Variants in SNTB1 observed in about 807,000 individuals in gnomAD.
SNTB1 encodes beta-1-syntrophin.
A neutral mutation model predicts 48.9 loss-of-function variants in SNTB1; 36 were observed. That is an observed-to-expected ratio of 0.74 (90% CI 0.56 to 0.97). The LOEUF (loss-of-function observed/expected upper bound fraction) is 0.97. Ranked by LOEUF, SNTB1 falls within the 50% of genes least tolerant of loss-of-function variation. The probability of loss-of-function intolerance (pLI) is 0.00; values close to 1 mark genes in which losing one functional copy is unlikely to be tolerated. For synonymous variants in SNTB1, 299 were observed against 294.6 expected (o/e 1.01, Z -0.15); for missense variants, 786 against 703.4 (o/e 1.12, Z -1.33).
intron 2 of SNTB1, among the ~76,000 whole-genome samples, chr8:120,689,263 G>T (rs1326644032): frequency 6.6e-6 from 1 of 152,166 alleles, no homozygotes; most frequent in Non-Finnish European, 1.5e-5. Context: ...AGATGCTGTG[G>T]CATTTGTCAT....
At chr8:120,606,485 G>A (rs1432142320) in intron 3 of SNTB1, among the ~76,000 whole-genome samples, 1 of 151,194 alleles carries the variant, frequency 6.6e-6, no homozygotes, top group African/African-American at 2.4e-5. Context: ...CTTCTCACTT[G>A]CTTTTTAGTA....
intron 2 of SNTB1, among the ~76,000 whole-genome samples, chr8:120,670,511 T>A (rs1817741999): frequency 6.6e-6 from 1 of 152,100 alleles, no homozygotes; most frequent in Admixed American, 6.6e-5. Context: ...GAAGTAGATG[T>A]TAGGGGTTGG....
rs1816285897 is a variant in SNTB1, at chr8:120,594,053, C to CTTA, written c.997-18829_997-18828insTAA. The stretch of plus-strand genomic sequence containing the variant: ...CTCTTCTAAGGAGCTCAGTACATGT[C>CTTA]TTTATTTATTTATTTATTTATTTAT... On this transcript the variant is annotated intron_variant, in intron 3 of 6. Coordinates refer to ENST00000517992, the MANE Select transcript of SNTB1 (RefSeq NM_021021.4). Among the ~76,000 whole-genome samples the CTTA allele has an allele frequency of 1.3e-4, 19 of 150,828 alleles. 1 individual carries two copies. In the South Asian group the frequency reaches 4.0e-3, roughly 32 times the overall value.
At chr8:120,734,238 G>A (rs1818901137) in intron 1 of SNTB1, among the ~76,000 whole-genome samples, 2 of 152,122 alleles carry the variant, frequency 1.3e-5, no homozygotes, top group African/African-American at 4.8e-5. Context: ...GAGGTCAGGA[G>A]GTGGAGACCA....
intron 2 of SNTB1, among the ~76,000 whole-genome samples, chr8:120,683,103 A>G (rs375625051): frequency 2.5e-4 from 38 of 152,018 alleles, no homozygotes; most frequent in African/African-American, 6.0e-4. Flanking sequence ...GGATGGTCTC[A>G]ATCTCCTGAC....
intron 1 of SNTB1, among the ~76,000 whole-genome samples, chr8:120,748,118 C>T (rs979423196): frequency 1.7e-4 from 26 of 152,166 alleles, no homozygotes; most frequent in African/African-American, 5.5e-4. Flanking sequence ...AAACTTTTCA[C>T]TTCCCTTTCT....
chr8:120,724,992 T>C (rs1335554586), intron 1 of SNTB1, among the ~76,000 whole-genome samples: 1 of 152,158 alleles, frequency 6.6e-6, no homozygotes, highest in Non-Finnish European at 1.5e-5. Context: ...TTGAACCACA[T>C]CTTATTTTAG....
chr8:120,780,534 T>C (rs1048854748), intron 1 of SNTB1, among the ~76,000 whole-genome samples: 1 of 152,244 alleles, frequency 6.6e-6, no homozygotes, highest in South Asian at 2.1e-4. Flanking sequence ...GTTTTCTAAA[T>C]TATAAGTCAA....
At chr8:120,643,503 T>C (rs1363917713) in intron 2 of SNTB1, among the ~76,000 whole-genome samples, 1 of 152,214 alleles carries the variant, frequency 6.6e-6, no homozygotes, top group African/African-American at 2.4e-5. Flanking sequence ...TTCCCATTTA[T>C]AAGAACATGA....
intron 1 of SNTB1, among the ~76,000 whole-genome samples, chr8:120,762,555 A>G (rs933682647): frequency 1.3e-5 from 2 of 152,100 alleles, no homozygotes; most frequent in African/African-American, 4.8e-5. Context: ...TGATTTTGCA[A>G]TCCAGCTGCT....
At chr8:120,768,891 C>A (rs555806340) in intron 1 of SNTB1, 88 of 152,288 alleles carry the variant, frequency 5.8e-4, no homozygotes, top group African/African-American at 2.1e-3. Context: ...TAGGAAAGGG[C>A]AAGACTGAAA....
intron 4 of SNTB1, among the ~76,000 whole-genome samples, chr8:120,565,912 T>G (rs910675372): frequency 1.2e-4 from 19 of 152,196 alleles, no homozygotes; most frequent in Admixed American, 4.6e-4. Flanking sequence ...TAGTGCCTTA[T>G]AAAAGGACTT....
intron 1 of SNTB1, among the ~76,000 whole-genome samples, chr8:120,752,326 T>TA (rs1405257600): frequency 2.0e-5 from 3 of 152,152 alleles, no homozygotes; most frequent in East Asian, 1.9e-4. Context: ...ATGTAATATT[T>TA]AAAAAATCAC....
At position 120,666,609 on chromosome 8, in the gene SNTB1, C is replaced by T. The variant is rs890287169; in HGVS notation, c.788+27083G>A. Among the ~76,000 whole-genome samples, 6 of 152,064 alleles carry T rather than the reference C, an allele frequency of 3.9e-5. No individual in the cohort carries two copies. The East Asian group carries it at 7.7e-4, about 20-fold the overall frequency. ...TTTCTTGCACGTATGGTTTATTGAG[C>T]TTCTGTGGACCTGGGGGTTTACAGT... On this transcript the variant is annotated intron_variant, in intron 2 of 6. Coordinates refer to ENST00000517992, the MANE Select transcript of SNTB1 (RefSeq NM_021021.4).
At chr8:120,634,183 C>A (rs1817029989) in intron 2 of SNTB1, among the ~76,000 whole-genome samples, 1 of 152,072 alleles carries the variant, frequency 6.6e-6, no homozygotes, top group African/African-American at 2.4e-5. Context: ...CGTATATATG[C>A]AATAAATATC....
At chr8:120,795,391 C>T (rs1820106173) in intron 1 of SNTB1, among the ~76,000 whole-genome samples, 1 of 152,010 alleles carries the variant, frequency 6.6e-6, no homozygotes. Flanking sequence ...ATTTAATAAA[C>T]ACAAATTAAT....
At chr8:120,695,923 C>G (rs1427555466) in intron 1 of SNTB1, among the ~76,000 whole-genome samples, 1 of 152,140 alleles carries the variant, frequency 6.6e-6, no homozygotes, top group Non-Finnish European at 1.5e-5. Flanking sequence ...TATTCATGGA[C>G]TGTGTATTTT....
At chr8:120,670,484 G>A (rs1393246860) in intron 2 of SNTB1, among the ~76,000 whole-genome samples, 2 of 152,206 alleles carry the variant, frequency 1.3e-5, no homozygotes, top group East Asian at 3.8e-4. Context: ...AGGACTGAAG[G>A]ATGACCACAG....
chr8:120,770,468 A>G (rs73707108), intron 1 of SNTB1, among the ~76,000 whole-genome samples: 3,126 of 151,992 alleles, frequency 0.021, 106 homozygotes, highest in African/African-American at 0.072. Context: ...TTGGTCTCCA[A>G]TGTTAAAAAG....
Sources: allele counts gnomAD v4.1 joint callset (sites outside exome capture counted in the v4.1 genomes callset), GRCh38; gene constraint gnomAD v4.1.1; transcripts MANE v1.5; gene names NCBI Gene and HGNC (gene_info 2026-07-23, HGNC 2026-07-21).